The following CHAT variants were observed in gnomAD, a reference collection of about 807,000 sequenced individuals.
CHAT encodes acetyl CoA:choline O-acetyltransferase.
CHAT carries 61 observed loss-of-function variants against 76.9 expected under a neutral mutation model. The ratio of observed to expected loss-of-function variants is 0.79; its 90% CI spans 0.65 to 0.98. The LOEUF (loss-of-function observed/expected upper bound fraction) is 0.98, where lower values mean the gene tolerates loss of function less well. Ranked by LOEUF, CHAT falls within the 50% of genes least tolerant of loss-of-function variation. The pLI is 0.00. For missense variants in CHAT, 946 were observed against 986.9 expected (o/e 0.96, Z 0.56); for synonymous variants, 407 against 397.4 (o/e 1.02, Z -0.29).
At chr10:49,646,989 A>C in intron 8 of CHAT, 3 of 448,770 alleles carry the variant, frequency 6.7e-6, no homozygotes, top group Admixed American at 3.5e-5. Flanking sequence ...CCCATTTCCC[A>C]TCACCCATCA....
chr10:49,646,503 AG>A lies in CHAT; in HGVS notation c.1112-1del. 1 of 1,614,154 alleles carries A rather than the reference AG, an allele frequency of 6.2e-7. No homozygotes were observed. Among genetic ancestry groups the A allele is most frequent in the Non-Finnish European group, 8.5e-7 (1 of 1,180,010 alleles). ...CTAGGGCTGTGCCTGCCTCCCCTGC[AG>A]ACTCCACCAACCGGGACTCGCTGGA... On this transcript the variant is annotated splice_acceptor_variant, in intron 7 of 14. Transcript: ENST00000337653. LOFTEE classifies it high-confidence loss of function.
At chr10:49,645,377 A>T (rs1328352803) in intron 7 of CHAT, among the ~76,000 whole-genome samples, 1 of 152,022 alleles carries the variant, frequency 6.6e-6, no homozygotes, top group Non-Finnish European at 1.5e-5. Flanking sequence ...TCTTGAAGTG[A>T]CTCCTTGGAA....
chr10:49,625,098 A>T (rs1321277866), intron 5 of CHAT, among the ~76,000 whole-genome samples: 1 of 152,180 alleles, frequency 6.6e-6, no homozygotes, highest in Non-Finnish European at 1.5e-5. Context: ...TCTAAAAGAG[A>T]TGATAAAGGA....
At chr10:49,640,503 G>A (rs551571649) in intron 7 of CHAT, among the ~76,000 whole-genome samples, 3 of 150,570 alleles carry the variant, frequency 2.0e-5, no homozygotes, top group Non-Finnish European at 4.4e-5. Context: ...TGCAGGGTTG[G>A]GGGGTGGAAG....
At chr10:49,622,448 C>G (rs957185936) in intron 5 of CHAT, among the ~76,000 whole-genome samples, 1 of 152,160 alleles carries the variant, frequency 6.6e-6, no homozygotes, top group South Asian at 2.1e-4. Context: ...CTGGAGAACA[C>G]ATAGGAAGGC....
chr10:49,663,475 A>G (rs150711204), intron 14 of CHAT, among the ~76,000 whole-genome samples: 2,996 of 152,280 alleles, frequency 0.02, 36 homozygotes, highest in Non-Finnish European at 0.028. Context: ...AGGGCCTGGC[A>G]TGGACAGGGC....
intron 13 of CHAT, among the ~76,000 whole-genome samples, chr10:49,656,026 C>A (rs1317686921): frequency 2.6e-5 from 4 of 152,208 alleles, no homozygotes; most frequent in Non-Finnish European, 5.9e-5. Flanking sequence ...AGAGAATAAG[C>A]AGTGACTTGG....
At chr10:49,615,534 G>A (rs1838458771) in intron 1 of CHAT, among the ~76,000 whole-genome samples, 1 of 152,186 alleles carries the variant, frequency 6.6e-6, no homozygotes, top group African/African-American at 2.4e-5. Flanking sequence ...GCTTGCCTCT[G>A]GGTAGGGGTG....
chr10:49,664,654 A>G, intron 14 of CHAT, 123 bp from the exon 15 acceptor site: 1 of 1,191,964 alleles, frequency 8.4e-7, no homozygotes, highest in South Asian at 1.2e-5. Flanking sequence ...TCCATGCTAA[A>G]GCAATCACTT....
intron 13 of CHAT, among the ~76,000 whole-genome samples, chr10:49,656,606 AG>A (rs1840044228): frequency 1.3e-5 from 2 of 152,326 alleles, no homozygotes; most frequent in African/African-American, 4.8e-5. Context: ...TGGCTCAAGA[AG>A]GGCACCACGT....
intron 11 of CHAT, among the ~76,000 whole-genome samples, chr10:49,653,456 G>A (rs1176805126): frequency 6.6e-6 from 1 of 152,178 alleles, no homozygotes; most frequent in Non-Finnish European, 1.5e-5. Context: ...CTTCCATGAA[G>A]GGCATAAAGT....
At chr10:49,622,813 CAG>C (rs919672454) in intron 5 of CHAT, among the ~76,000 whole-genome samples, 1 of 152,168 alleles carries the variant, frequency 6.6e-6, no homozygotes, top group African/African-American at 2.4e-5. Flanking sequence ...AGCTGCAGCT[CAG>C]AGAGGTTAAG....
chr10:49,660,731 A>G (rs1435460292), intron 13 of CHAT, among the ~76,000 whole-genome samples: 1 of 152,204 alleles, frequency 6.6e-6, no homozygotes, highest in African/African-American at 2.4e-5. Context: ...AAGCATTGCC[A>G]TAGGGTTGTG....
At chr10:49,652,845 G>A (rs751299419) in intron 11 of CHAT, among the ~76,000 whole-genome samples, 21 of 151,576 alleles carry the variant, frequency 1.4e-4, no homozygotes, top group Non-Finnish European at 2.1e-4. Context: ...GAAGGTGTGC[G>A]TGTGGGCTCA....
chr10:49,622,290 C>A, intron 5 of CHAT, 140 bp downstream of exon 5: 1 of 886,304 alleles, frequency 1.1e-6, no homozygotes, highest in Non-Finnish European at 1.9e-6. Flanking sequence ...CCCCAACCCA[C>A]TCCCCCACCA....
At chr10:49,642,163 G>A (rs535414023) in intron 7 of CHAT, among the ~76,000 whole-genome samples, 80 of 152,182 alleles carry the variant, frequency 5.3e-4, no homozygotes, top group East Asian at 1.9e-4. Context: ...AAGGAGCCTC[G>A]ATGTGCTCGA....
chr10:49,635,370 T>C (rs1032520861), intron 7 of CHAT, among the ~76,000 whole-genome samples: 1 of 152,230 alleles, frequency 6.6e-6, no homozygotes, highest in Non-Finnish European at 1.5e-5. Flanking sequence ...AGTTTTGAGC[T>C]ATTAAAGCTA....
intron 13 of CHAT, among the ~76,000 whole-genome samples, chr10:49,660,443 G>GAAAAAAAAAAAA (rs58309202): frequency 7.0e-6 from 1 of 142,982 alleles, no homozygotes. Flanking sequence ...CTCCATCTCA[G>GAAAAAAAAAAAA]AAAAAAAAAA....
chr10:49,662,912 A>C, intron 14 of CHAT, 130 bp downstream of exon 14: 1 of 1,163,034 alleles, frequency 8.6e-7, no homozygotes. Context: ...TGTGATCTTC[A>C]GCAAAATGAT....
Sources: gnomAD v4.1 joint callset for allele counts (sites outside exome capture counted in the v4.1 genomes callset) on GRCh38, gnomAD v4.1.1 for gene constraint, MANE v1.5 for transcripts, NCBI Gene and HGNC (gene_info 2026-07-23, HGNC 2026-07-21) for gene names.